C16orf74: variants seen among roughly 807,000 people sequenced by gnomAD.
C16orf74 encodes uncharacterized protein C16orf74.
A neutral mutation model predicts 6.5 loss-of-function variants in C16orf74; 10 were observed. The ratio of observed to expected loss-of-function variants is 1.54; its 90% CI spans 0.95 to 2.61. The LOEUF (loss-of-function observed/expected upper bound fraction) is 2.61. Ranked by LOEUF, C16orf74 falls within the 30% of genes most tolerant of loss-of-function variation. C16orf74 has a pLI of 0.00. For missense variants in C16orf74, 141 were observed against 105.9 expected (o/e 1.33, Z -1.45); for synonymous variants, 60 against 42.5 (o/e 1.41, Z -1.60).
intron 2 of C16orf74, among the ~76,000 whole-genome samples, chr16:85,730,080 T>C (rs927943155): frequency 1.3e-5 from 2 of 152,118 alleles, no homozygotes; most frequent in Admixed American, 6.5e-5. Context: ...CCTGGGCAGT[T>C]ACACAGCCTC....
chr16:85,707,869 GTC>G lies in C16orf74; in HGVS notation c.*137_*138del. On this transcript the variant is annotated 3_prime_UTR_variant, in exon 4 of 4. Coordinates refer to ENST00000284245, the MANE Select transcript of C16orf74 (RefSeq NM_206967.3). ...CTGGATTCCTCGCTGGTCCTGCCAC[GTC>G]TCTCTGAGCGGAGGCCCGGGTTCGC... 1.5e-6 allele frequency: 1 copy of G among 675,814 alleles called. No individual in the cohort carries two copies. Among genetic ancestry groups the G allele is most frequent in the Non-Finnish European group, 2.5e-6 (1 of 394,392 alleles). 41.9% of individuals were successfully genotyped at this position (675,814 alleles called of 1,614,324 possible).
intron 2 of C16orf74, among the ~76,000 whole-genome samples, chr16:85,725,906 G>C (rs1396169112): frequency 2.0e-5 from 3 of 152,082 alleles, no homozygotes; most frequent in Admixed American, 2.0e-4. Context: ...GTATTACTCT[G>C]AAGTTCTCAA....
chr16:85,745,256 T>A (rs1360220307), intron 1 of C16orf74, among the ~76,000 whole-genome samples: 1 of 149,354 alleles, frequency 6.7e-6, no homozygotes, highest in Non-Finnish European at 1.5e-5. Flanking sequence ...TCGGCAGAGG[T>A]CCACCCCCTC....
At chr16:85,728,681 C>G (rs917548580) in intron 2 of C16orf74, among the ~76,000 whole-genome samples, 2 of 152,236 alleles carry the variant, frequency 1.3e-5, no homozygotes, top group African/African-American at 4.8e-5. Flanking sequence ...GAAGGTGTAA[C>G]GGCTCCTTGG....
In C16orf74 at chr16:85,750,217, T is replaced by C. The variant is rs560541121; in HGVS notation, c.-19+709A>G. Among the ~76,000 whole-genome samples the C allele has an allele frequency of 1.2e-4, 19 of 152,284 alleles. No homozygotes were observed. The East Asian group carries it at 3.7e-3, about 29-fold the overall frequency. The stretch of plus-strand genomic sequence containing the variant: ...CTCTTCCTCCGGGCTCCAAAGCCTG[T>C]CGAGCCTGCACAGATTTTCCCTTGA... On this transcript the variant is annotated intron_variant, in intron 1 of 3. Coordinates refer to ENST00000284245, the MANE Select transcript of C16orf74 (RefSeq NM_206967.3).
chr16:85,730,072 T>C (rs545136329), intron 2 of C16orf74, among the ~76,000 whole-genome samples: 19 of 152,250 alleles, frequency 1.2e-4, no homozygotes, highest in Non-Finnish European at 2.4e-4. Flanking sequence ...TGTGTCTTCC[T>C]GGGCAGTTAC....
At chr16:85,732,665 CAAAAAAAAA>C (rs66539936) in intron 2 of C16orf74, among the ~76,000 whole-genome samples, 15 of 44,172 alleles carry the variant, frequency 3.4e-4, no homozygotes, top group African/African-American at 6.4e-4. Flanking sequence ...GACTCTGTCT[CAAAAAAAAA>C]AAAAAAAAAA....
Position 85,710,134 on chromosome 16 carries a change from C to G in C16orf74, c.172+30G>C. 3 of 1,393,578 alleles carry G rather than the reference C, an allele frequency of 2.2e-6. No homozygotes were observed. The South Asian group carries it at 5.2e-5, about 24-fold the overall frequency. The allele number at this position is 1,393,578 out of a possible 1,614,324, so 86.3% of individuals were successfully genotyped here. A position where few individuals can be genotyped will look rare whatever the true frequency, so the allele number is the denominator to read the frequency against. ...TCTCCACCGGGCCCCCACAGCCGAC[C>G]CGGCTTGGCGGTGGAGGGGACGGCC... On this transcript the variant is annotated intron_variant, in intron 3 of 3. Transcript: ENST00000284245.
intron 2 of C16orf74, among the ~76,000 whole-genome samples, chr16:85,727,964 C>CAAAAAA (rs59377902): frequency 2.6e-5 from 2 of 75,788 alleles, no homozygotes; most frequent in East Asian, 4.9e-4. Context: ...CCCTTCTCTA[C>CAAAAAA]AAAAAAAAAA....
At chr16:85,746,260 G>C (rs769239844) in intron 1 of C16orf74, among the ~76,000 whole-genome samples, 1 of 152,192 alleles carries the variant, frequency 6.6e-6, no homozygotes, top group African/African-American at 2.4e-5. Flanking sequence ...CGAGGCAGGA[G>C]AATCGCTTGA....
chr16:85,732,311 C>A (rs1487819267), intron 2 of C16orf74, among the ~76,000 whole-genome samples: 1 of 152,174 alleles, frequency 6.6e-6, no homozygotes, highest in Non-Finnish European at 1.5e-5. Flanking sequence ...CTTACGGCAG[C>A]CCTAGGACAG....
intron 2 of C16orf74, among the ~76,000 whole-genome samples, chr16:85,721,233 C>G (rs1262792994): frequency 5.3e-5 from 8 of 151,990 alleles, no homozygotes; most frequent in Non-Finnish European, 1.2e-4. Context: ...AAAAAAGCCA[C>G]GTACTTGGCA....
intron 2 of C16orf74, among the ~76,000 whole-genome samples, chr16:85,720,598 C>T (rs1246544318): frequency 6.6e-6 from 1 of 151,982 alleles, no homozygotes. Context: ...CATAGCAAGA[C>T]CCCATCTCTA....
intron 2 of C16orf74, among the ~76,000 whole-genome samples, chr16:85,733,576 G>C (rs1427830773): frequency 6.6e-6 from 1 of 152,196 alleles, no homozygotes; most frequent in Non-Finnish European, 1.5e-5. Flanking sequence ...TTTTAAAGAA[G>C]AAAAGTATCC....
intron 2 of C16orf74, among the ~76,000 whole-genome samples, chr16:85,719,092 T>A (rs548945769): frequency 6.6e-6 from 1 of 152,380 alleles, no homozygotes; most frequent in East Asian, 1.9e-4. Flanking sequence ...CCTCTCGGCC[T>A]GGGCTTTCTC....
chr16:85,723,403 C>CT (rs1332592763), intron 2 of C16orf74, among the ~76,000 whole-genome samples: 4 of 144,918 alleles, frequency 2.8e-5, no homozygotes, highest in South Asian at 2.1e-4. Context: ...CCCATCTGTA[C>CT]TAAAAAAAAA....
intron 2 of C16orf74, among the ~76,000 whole-genome samples, chr16:85,726,846 A>T (rs536715724): frequency 1.3e-5 from 2 of 152,100 alleles, no homozygotes; most frequent in African/African-American, 4.8e-5. Context: ...TCCACCATGC[A>T]CGCCAGGCTG....
chr16:85,734,737 C>T (rs1036599445), intron 2 of C16orf74, among the ~76,000 whole-genome samples: 34 of 152,240 alleles, frequency 2.2e-4, no homozygotes, highest in African/African-American at 8.2e-4. Context: ...CTAACACCCA[C>T]AACACCCTTC....
At chr16:85,719,594 A>C (rs1475745237) in intron 2 of C16orf74, among the ~76,000 whole-genome samples, 1 of 152,116 alleles carries the variant, frequency 6.6e-6, no homozygotes, top group Admixed American at 6.5e-5. Flanking sequence ...AAGCACAAAG[A>C]TATTTCCAAG....
Sources: allele counts gnomAD v4.1 joint callset (sites outside exome capture counted in the v4.1 genomes callset), GRCh38; gene constraint gnomAD v4.1.1; transcripts MANE v1.5; gene names NCBI Gene and HGNC (gene_info 2026-07-23, HGNC 2026-07-21).